PES1: variants seen among roughly 807,000 people sequenced by gnomAD.
PES1 encodes the protein pescadillo ribosomal biogenesis factor 1.
A neutral mutation model predicts 77.1 loss-of-function variants in PES1; 31 were observed. The observed-to-expected ratio is 0.40, with a 90% CI of 0.30 to 0.54. The LOEUF (loss-of-function observed/expected upper bound fraction) is 0.54, where lower values mean the gene tolerates loss of function less well. Ranked by LOEUF, PES1 falls within the 20% of genes least tolerant of loss-of-function variation. PES1 has a pLI of 0.45. For synonymous variants in PES1, 282 were observed against 303.0 expected, an observed-to-expected ratio of 0.93 and a Z score of 0.72; for missense variants, 658 against 771.7, an observed-to-expected ratio of 0.85 and a Z score of 1.75.
intron 14 of PES1, among the ~76,000 whole-genome samples, 183 bp from the exon 15 acceptor site, chr22:30,577,312 CATT>C (rs1233767895): frequency 1.3e-5 from 2 of 152,208 alleles, no homozygotes; most frequent in Non-Finnish European, 2.9e-5. Context: ...GCTTTAACAA[CATT>C]ATTTCATGGG....
chr22:30,605,650 C>T lies in PES1; in HGVS notation c.-717-133G>A, dbSNP rs140239012. On this transcript the variant is annotated intron_variant, in intron 1 of 16. Coordinates refer to the PES1 transcript ENST00000402281. ...TGACTCCCCTGAAGGTCCAAACGTG[C>T]GGTTCTGCGGAAGTTGGGCTCCCCA... The T allele has an allele frequency of 1.8e-3, 331 of 188,788 alleles. 1 individual carries two copies. Among genetic ancestry groups the T allele is most frequent in the African/African-American group, 5.0e-3 (209 of 42,190 alleles). The allele number at this position is 188,788 out of a possible 1,614,324, so 11.7% of individuals were successfully genotyped here. A position where few individuals can be genotyped will look rare whatever the true frequency, so the allele number is the denominator to read the frequency against.
At position 30,586,059 on chromosome 22, in the gene PES1, C is replaced by A. The variant is rs184166735; in HGVS notation, c.368+1227G>T. 1.2e-4 allele frequency among the ~76,000 whole-genome samples: 19 copies of A among 152,330 alleles called. 1 individual carries two copies. Among genetic ancestry groups the A allele is most frequent in the Admixed American group, 1.1e-3 (17 of 15,302 alleles). On this transcript the variant is annotated intron_variant, in intron 4 of 14. Transcript: ENST00000354694. Reference sequence around the variant, plus strand: ...AGAAACAGCACCAGCATTTCTGGGCCAACTGCTTTTCTTTCTTAAGCTCTG... The same window carrying A: ...AGAAACAGCACCAGCATTTCTGGGCAAACTGCTTTTCTTTCTTAAGCTCTG...
chr22:30,583,237 A>G (rs942654456), intron 6 of PES1, among the ~76,000 whole-genome samples: 3 of 152,174 alleles, frequency 2.0e-5, no homozygotes, highest in Admixed American at 2.0e-4. Context: ...GGGAGAGGGA[A>G]CAGGGACTGC....
intron 2 of PES1, among the ~76,000 whole-genome samples, chr22:30,602,773 A>C (rs2087376126): frequency 1.3e-5 from 2 of 152,124 alleles, no homozygotes; most frequent in African/African-American, 4.8e-5. Context: ...GTCTATTTCA[A>C]GTTAATTTTT....
intron 2 of PES1, among the ~76,000 whole-genome samples, chr22:30,601,433 G>T (rs1310821616): frequency 1.3e-5 from 2 of 152,046 alleles, no homozygotes; most frequent in Non-Finnish European, 2.9e-5. Flanking sequence ...TCCTGCCTCA[G>T]CCCCGAGTAG....
chr22:30,601,122 A>G (rs1397771035), intron 2 of PES1, among the ~76,000 whole-genome samples: 1 of 152,178 alleles, frequency 6.6e-6, no homozygotes, highest in Admixed American at 6.5e-5. Flanking sequence ...TCACTTCTGC[A>G]TTCTGCTACT....
chr22:30,604,287 A>T (rs8137501), intron 2 of PES1, among the ~76,000 whole-genome samples: 9,493 of 152,216 alleles, frequency 0.062, 1,049 homozygotes, highest in African/African-American at 0.22. Flanking sequence ...AATAATCAGT[A>T]AAAAAAGTAG....
At chr22:30,588,691 G>C (rs1027183027) in intron 2 of PES1, among the ~76,000 whole-genome samples, 2 of 152,084 alleles carry the variant, frequency 1.3e-5, no homozygotes, top group African/African-American at 4.8e-5. Flanking sequence ...GCTGAGGCAG[G>C]AGAATCGCTT....
intron 2 of PES1, among the ~76,000 whole-genome samples, chr22:30,597,680 G>A (rs2087277214): frequency 6.6e-6 from 1 of 151,480 alleles, no homozygotes; most frequent in Admixed American, 6.6e-5. Flanking sequence ...GAACTTTTGT[G>A]TCTAGCACAG....
rs186623750 is a variant in PES1, at chr22:30,597,495, T to C, written c.-660-5097A>G. 2.7e-5 allele frequency among the ~76,000 whole-genome samples: 4 copies of C among 147,638 alleles called. No individual in the cohort carries two copies. In the East Asian group the frequency reaches 6.0e-4, roughly 22 times the overall value. ...ATCTGCGCTCTGTGTCTAGCTGATCTTGTGGGGACTTGGAGAACATTTATG... is the reference window on the plus strand; with the variant it reads ...ATCTGCGCTCTGTGTCTAGCTGATCCTGTGGGGACTTGGAGAACATTTATG... On this transcript the variant is annotated intron_variant, in intron 2 of 16. Transcript: ENST00000402281.
chr22:30,597,510 G>A (rs1169294487), intron 2 of PES1, among the ~76,000 whole-genome samples: 2 of 150,948 alleles, frequency 1.3e-5, no homozygotes, highest in Non-Finnish European at 2.9e-5. Context: ...GGGACTTGGA[G>A]AACATTTATG....
intron 3 of PES1, 140 bp downstream of exon 3, chr22:30,587,881 C>T (rs9621036): frequency 0.026 from 21,210 of 814,666 alleles, 438 homozygotes; most frequent in African/African-American, 0.082. Flanking sequence ...CTCTTCCCTC[C>T]AAGTACTTCT....
At chr22:30,596,120 C>T (rs2087249004), upstream of PES1, among the ~76,000 whole-genome samples, 1 of 152,170 alleles carries the variant, frequency 6.6e-6, no homozygotes, top group Admixed American at 6.5e-5. Context: ...CTCAAATGGT[C>T]AACCTGCAGT....
At position 30,598,885 on chromosome 22, in the gene PES1, A is replaced by ATTTTTTTTTTTTTTTTTTTTTTTTT. The variant is rs71200084; in HGVS notation, c.-660-6512_-660-6488dup. Among the ~76,000 whole-genome samples, 20 of 51,220 alleles carry ATTTTTTTTTTTTTTTTTTTTTTTTT rather than the reference A, an allele frequency of 3.9e-4. 8 individuals carry two copies. The highest frequency in any genetic ancestry group is 7.3e-4 in the Admixed American group (2 of 2,742). The allele number at this position is 51,220 out of a possible 152,430, so 33.6% of individuals were successfully genotyped here. ...TTCAAGTTTATGTGACTTAAGTAAA[A>ATTTTTTTTTTTTTTTTTTTTTTTTT]TTTTTTTTTTTTTTTTTTTTTTTTT... On this transcript the variant is annotated intron_variant, in intron 2 of 16. Coordinates refer to the PES1 transcript ENST00000402281.
chr22:30,602,244 A>G (rs909798024), intron 2 of PES1, among the ~76,000 whole-genome samples: 3 of 152,046 alleles, frequency 2.0e-5, no homozygotes, highest in African/African-American at 4.8e-5. Context: ...CACAAGAGCT[A>G]TGGTTTTAAG....
At chr22:30,580,476 G>C in intron 10 of PES1, 95 bp downstream of exon 10, 2 of 1,487,686 alleles carry the variant, frequency 1.3e-6, no homozygotes, top group South Asian at 2.4e-5. Flanking sequence ...AGTGGAAACT[G>C]ACACCATCCC....
At chr22:30,594,556 G>A (rs956595518), upstream of PES1, among the ~76,000 whole-genome samples, 2 of 151,884 alleles carry the variant, frequency 1.3e-5, no homozygotes, top group South Asian at 2.1e-4. Context: ...CCTCACACCT[G>A]TAATCCTAGC....
At chr22:30,589,345 TC>T in intron 1 of PES1, 75 bp from the exon 2 acceptor site, 2 of 1,210,134 alleles carry the variant, frequency 1.7e-6, no homozygotes, top group Non-Finnish European at 1.2e-6. Flanking sequence ...CATGCCTAGT[TC>T]CAGAGGCAAC....
intron 14 of PES1, 84 bp downstream of exon 14, chr22:30,578,753 G>C: frequency 6.9e-7 from 1 of 1,441,372 alleles, no homozygotes; most frequent in South Asian, 1.2e-5. Flanking sequence ...TCTGCCTAGA[G>C]GAGGGCCCCA....
Sources: gnomAD v4.1 joint callset for allele counts (sites outside exome capture counted in the v4.1 genomes callset) on GRCh38, gnomAD v4.1.1 for gene constraint, MANE v1.5 for transcripts, NCBI Gene and HGNC (gene_info 2026-07-23, HGNC 2026-07-21) for gene names.